NTRK3: variants seen among roughly 807,000 people sequenced by gnomAD.
The protein encoded by NTRK3 is neurotrophic receptor tyrosine kinase 3.
Under a neutral mutation model 91.7 loss-of-function variants are expected in NTRK3, and 24 were observed. The ratio of observed to expected loss-of-function variants is 0.26; its 90% CI spans 0.19 to 0.37. The LOEUF is 0.37. Ranked by LOEUF, NTRK3 falls within the 10% of genes least tolerant of loss-of-function variation. The probability of loss-of-function intolerance (pLI) is 1.00; values close to 1 mark genes in which losing one functional copy is unlikely to be tolerated. For missense variants in NTRK3, 880 were observed against 1,068.9 expected, an observed-to-expected ratio of 0.82 and a Z score of 2.46; for synonymous variants, 483 against 404.0, an observed-to-expected ratio of 1.20 and a Z score of -2.34.
chr15:87,970,847 A>T (rs1174893726), intron 14 of NTRK3, among the ~76,000 whole-genome samples: 1 of 152,216 alleles, frequency 6.6e-6, no homozygotes, highest in Non-Finnish European at 1.5e-5. Flanking sequence ...GGGATTTCAA[A>T]TTAAGGGAGA....
chr15:88,053,915 G>A (rs779330024), intron 13 of NTRK3, among the ~76,000 whole-genome samples: 1 of 152,164 alleles, frequency 6.6e-6, no homozygotes, highest in Non-Finnish European at 1.5e-5. Flanking sequence ...CCTGAGACCA[G>A]GCTCTGAAAA....
At chr15:88,096,657 C>T (rs1416876738) in intron 13 of NTRK3, among the ~76,000 whole-genome samples, 1 of 152,176 alleles carries the variant, frequency 6.6e-6, no homozygotes, top group Non-Finnish European at 1.5e-5. Context: ...ACTGGAACAA[C>T]CCATAACTAA....
intron 10 of NTRK3, among the ~76,000 whole-genome samples, chr15:88,130,023 C>G (rs2053652962): frequency 6.6e-6 from 1 of 152,190 alleles, no homozygotes; most frequent in African/African-American, 2.4e-5. Flanking sequence ...AAAGAGAACA[C>G]TGCCATCTGC....
intron 3 of NTRK3, among the ~76,000 whole-genome samples, chr15:88,229,391 A>T (rs951886403): frequency 1.3e-5 from 2 of 152,164 alleles, no homozygotes; most frequent in African/African-American, 2.4e-5. Flanking sequence ...CTGCTTCTCC[A>T]TGTTACATCC....
rs530105481 is a variant in NTRK3, at chr15:88,235,930, A to G, written c.248+19976T>C. The stretch of plus-strand genomic sequence containing the variant: ...TTCTTCCTCTGCAAGGCAAAGATAC[A>G]AGGTCCTGTTTCGATGAGTCACATA... On this transcript the variant is annotated intron_variant, in intron 3 of 18. Transcript: ENST00000394480. The surrounding 1 kb of genome is among the most constrained non-coding windows in gnomAD (Gnocchi z 5.2). Among the ~76,000 whole-genome samples, 3 of 152,216 alleles carry G rather than the reference A, an allele frequency of 2.0e-5. No individual in the cohort carries two copies. The highest frequency in any genetic ancestry group is 7.2e-5 in the African/African-American group (3 of 41,454).
intron 5 of NTRK3, among the ~76,000 whole-genome samples, chr15:88,179,298 C>T (rs917940422): frequency 6.6e-6 from 1 of 152,158 alleles, no homozygotes; most frequent in African/African-American, 2.4e-5. Flanking sequence ...AAAAACATTG[C>T]CTCTTCTGGC....
chr15:88,211,993 T>C (rs2049287903), intron 3 of NTRK3, among the ~76,000 whole-genome samples: 2 of 152,330 alleles, frequency 1.3e-5, no homozygotes, highest in Middle Eastern at 3.4e-3. Flanking sequence ...ACAGCCCAGA[T>C]ACATTGCTTT....
At chr15:88,079,452 T>C (rs900853994) in intron 13 of NTRK3, among the ~76,000 whole-genome samples, 4 of 152,092 alleles carry the variant, frequency 2.6e-5, no homozygotes, top group African/African-American at 9.7e-5. Flanking sequence ...TTGGGAAAAA[T>C]GGTGGCAGAG....
intron 13 of NTRK3, among the ~76,000 whole-genome samples, chr15:88,076,432 T>C (rs1165150324): frequency 6.6e-6 from 1 of 152,170 alleles, no homozygotes; most frequent in East Asian, 1.9e-4. Context: ...GGATTTCCTC[T>C]TTCAAGTCCT....
chr15:88,147,219 A>T, intron 6 of NTRK3, 116 bp downstream of exon 6: 1 of 939,396 alleles, frequency 1.1e-6, no homozygotes, highest in Non-Finnish European at 1.7e-6. Flanking sequence ...CAACCCAAGT[A>T]GGCTCTTCGA....
At chr15:87,861,429 A>G in exon 19 of NTRK3, 1 of 206,910 alleles carries the variant, frequency 4.8e-6, no homozygotes, top group Non-Finnish European at 9.9e-6. Context: ...TATATCATTT[A>G]CACGACAATA....
At chr15:88,218,113 A>G (rs759531361) in intron 3 of NTRK3, among the ~76,000 whole-genome samples, 3 of 152,098 alleles carry the variant, frequency 2.0e-5, no homozygotes, top group Non-Finnish European at 4.4e-5. Flanking sequence ...CCCGAGTTGA[A>G]TGCAGGTGTG....
At chr15:88,071,314 C>T (rs918090563) in intron 13 of NTRK3, among the ~76,000 whole-genome samples, 4 of 152,270 alleles carry the variant, frequency 2.6e-5, no homozygotes, top group African/African-American at 9.6e-5. Flanking sequence ...ACCTTGCCTG[C>T]TTCCTTCCTG....
intron 14 of NTRK3, among the ~76,000 whole-genome samples, chr15:87,973,034 C>T (rs769600156): frequency 2.0e-5 from 3 of 152,170 alleles, no homozygotes; most frequent in Non-Finnish European, 2.9e-5. Flanking sequence ...TTGTCCCCCT[C>T]GTTTTTGTCA....
intron 17 of NTRK3, 34 bp downstream of exon 18, chr15:87,885,660 C>G (rs2065491732): frequency 8.5e-7 from 1 of 1,174,534 alleles, no homozygotes; most frequent in Non-Finnish European, 1.2e-6. Flanking sequence ...GGACAATGAA[C>G]TATTCATTAA....
chr15:87,963,395 G>A (rs2072485934), intron 14 of NTRK3, among the ~76,000 whole-genome samples: 1 of 152,200 alleles, frequency 6.6e-6, no homozygotes, highest in Admixed American at 6.5e-5. Flanking sequence ...GTCATTAAAA[G>A]TCAAGCCATG....
chr15:88,178,354 T>G (rs929198913), intron 5 of NTRK3, among the ~76,000 whole-genome samples: 12 of 152,234 alleles, frequency 7.9e-5, no homozygotes, highest in Non-Finnish European at 1.8e-4. Flanking sequence ...ATTTATTACC[T>G]ATGCAGTCAG....
intron 13 of NTRK3, among the ~76,000 whole-genome samples, chr15:88,047,904 A>G (rs2080389453): frequency 6.6e-6 from 1 of 152,210 alleles, no homozygotes; most frequent in Non-Finnish European, 1.5e-5. Context: ...GGGTAGAATC[A>G]ACTGCTGTTT....
intron 14 of NTRK3, among the ~76,000 whole-genome samples, chr15:88,000,697 C>T (rs1208896161): frequency 1.3e-5 from 2 of 152,184 alleles, no homozygotes; most frequent in Non-Finnish European, 2.9e-5. Context: ...ATACTCTATT[C>T]CTTTTTATGG....
Sources: gnomAD v4.1 joint callset for allele counts (sites outside exome capture counted in the v4.1 genomes callset) on GRCh38, gnomAD v4.1.1 for gene constraint, Gnocchi (gnomAD v3.1) non-coding constraint, MANE v1.5 for transcripts, NCBI Gene and HGNC (gene_info 2026-07-23, HGNC 2026-07-21) for gene names.